Variants in ARHGAP15 observed in about 807,000 individuals in gnomAD.
ARHGAP15 encodes the protein rho GTPase-activating protein 15.
A neutral mutation model predicts 63.7 loss-of-function variants in ARHGAP15; 51 were observed. That is an observed-to-expected ratio of 0.80 (90% CI 0.64 to 1.01). ARHGAP15 has a LOEUF of 1.01. ARHGAP15 is among the 50% of genes least tolerant of loss of function. The probability of loss-of-function intolerance (pLI) is 0.00; values close to 1 mark genes in which losing one functional copy is unlikely to be tolerated. For synonymous variants in ARHGAP15, 191 were observed against 193.8 expected, an observed-to-expected ratio of 0.99 and a Z score of 0.12; for missense variants, 560 against 564.6, an observed-to-expected ratio of 0.99 and a Z score of 0.08.
chr2:143,348,464 A>T (rs893478904), intron 6 of ARHGAP15, among the ~76,000 whole-genome samples: 2 of 149,928 alleles, frequency 1.3e-5, no homozygotes, highest in African/African-American at 2.5e-5. Flanking sequence ...TTTCAGGATT[A>T]AAAAAAAACT....
At chr2:143,404,728 A>G (rs1042683056) in intron 6 of ARHGAP15, among the ~76,000 whole-genome samples, 8 of 151,996 alleles carry the variant, frequency 5.3e-5, no homozygotes, top group African/African-American at 1.9e-4. Flanking sequence ...GGTTCTGAGA[A>G]GCTCTGGCAT....
chr2:143,278,847 C>T (rs561312327), intron 6 of ARHGAP15, among the ~76,000 whole-genome samples: 58 of 150,266 alleles, frequency 3.9e-4, no homozygotes, highest in African/African-American at 8.1e-4. Context: ...TACCTAGCTA[C>T]GCTGAAGAGT....
intron 12 of ARHGAP15, among the ~76,000 whole-genome samples, chr2:143,654,029 T>A (rs1681306477): frequency 6.6e-6 from 1 of 151,842 alleles, no homozygotes; most frequent in Non-Finnish European, 1.5e-5. Flanking sequence ...TGCAAGGGGG[T>A]AGACAAAAAA....
chr2:143,476,705 G>T (rs1691832846), intron 8 of ARHGAP15, among the ~76,000 whole-genome samples: 1 of 152,100 alleles, frequency 6.6e-6, no homozygotes, highest in African/African-American at 2.4e-5. Context: ...TATTCAAGAG[G>T]ATTATAAAAT....
chr2:143,375,672 G>A (rs1406841516), intron 6 of ARHGAP15, among the ~76,000 whole-genome samples: 1 of 152,230 alleles, frequency 6.6e-6, no homozygotes, highest in Admixed American at 6.5e-5. Context: ...AGATCCTGTT[G>A]CTTTACAAAG....
At chr2:143,261,325 C>CT (rs534351317) in intron 6 of ARHGAP15, among the ~76,000 whole-genome samples, 3,337 of 89,560 alleles carry the variant, frequency 0.037, 793 homozygotes, top group Non-Finnish European at 0.047. Context: ...GAGGAATGAC[C>CT]TTTTTTTTTT....
At chr2:143,346,194 T>TCTCTCTCTCACACACACA (rs1685272151) in intron 6 of ARHGAP15, among the ~76,000 whole-genome samples, 6 of 138,152 alleles carry the variant, frequency 4.3e-5, no homozygotes, top group Non-Finnish European at 7.8e-5. Context: ...ACACACACAC[T>TCTCTCTCTCACACACACA]CTCTCTCTCA....
intron 2 of ARHGAP15, among the ~76,000 whole-genome samples, chr2:143,187,131 G>A (rs1346890803): frequency 6.6e-6 from 1 of 152,124 alleles, no homozygotes; most frequent in Non-Finnish European, 1.5e-5. Context: ...TAAACATAGA[G>A]TTAGATAATA....
chr2:143,409,285 T>A (rs1210455927), intron 6 of ARHGAP15, among the ~76,000 whole-genome samples: 2 of 151,950 alleles, frequency 1.3e-5, no homozygotes, highest in African/African-American at 4.8e-5. Flanking sequence ...CTCATTAAAA[T>A]TAATGAGGCA....
At chr2:143,619,989 C>T (rs533336640) in intron 11 of ARHGAP15, among the ~76,000 whole-genome samples, 86 of 152,270 alleles carry the variant, frequency 5.6e-4, no homozygotes, top group Non-Finnish European at 1.2e-3. Context: ...GAAACTGCAT[C>T]GTACTGAGAT....
At chr2:143,152,527 A>T (rs1210689626) in intron 1 of ARHGAP15, among the ~76,000 whole-genome samples, 2 of 152,004 alleles carry the variant, frequency 1.3e-5, no homozygotes, top group Non-Finnish European at 2.9e-5. Context: ...ACTCTGGGGC[A>T]CTTGATAAAG....
intron 6 of ARHGAP15, among the ~76,000 whole-genome samples, chr2:143,375,522 G>T (rs1377912540): frequency 1.3e-5 from 2 of 152,146 alleles, no homozygotes; most frequent in East Asian, 3.9e-4. Flanking sequence ...GTCAGAGGAG[G>T]AACTGTGCGG....
At chr2:143,509,054 C>T (rs7561163) in intron 9 of ARHGAP15, among the ~76,000 whole-genome samples, 39,017 of 152,088 alleles carry the variant, frequency 0.26, 5,592 homozygotes, top group East Asian at 0.46. Flanking sequence ...GTGCTACCCC[C>T]GCAGCTAAAT....
At chr2:143,598,367 C>G (rs1048585430) in intron 11 of ARHGAP15, among the ~76,000 whole-genome samples, 7 of 152,026 alleles carry the variant, frequency 4.6e-5, no homozygotes, top group African/African-American at 1.7e-4. Flanking sequence ...ACTTCAAATG[C>G]CTTTAGTATT....
intron 3 of ARHGAP15, among the ~76,000 whole-genome samples, chr2:143,214,167 T>G (rs1368278779): frequency 2.6e-5 from 4 of 152,204 alleles, no homozygotes; most frequent in Admixed American, 2.6e-4. Context: ...TGGGGCTATA[T>G]TTTTAGCAGA....
At chr2:143,297,359 CTG>C (rs1484864295) in intron 6 of ARHGAP15, among the ~76,000 whole-genome samples, 5 of 151,938 alleles carry the variant, frequency 3.3e-5, no homozygotes, top group African/African-American at 1.2e-4. Context: ...CTGCAGTACT[CTG>C]TGTGTGAACA....
intron 9 of ARHGAP15, among the ~76,000 whole-genome samples, chr2:143,514,683 G>A (rs150296514): frequency 2.6e-5 from 4 of 152,196 alleles, no homozygotes; most frequent in Non-Finnish European, 5.9e-5. Flanking sequence ...TCATGTGTCT[G>A]TGGTGCAGGC....
intron 8 of ARHGAP15, among the ~76,000 whole-genome samples, chr2:143,458,352 G>A (rs1443943105): frequency 3.3e-5 from 5 of 152,106 alleles, no homozygotes; most frequent in African/African-American, 4.8e-5. Flanking sequence ...TATAGTGAAC[G>A]GCATCAGGAT....
At chr2:143,205,191 G>A (rs956285591) in intron 3 of ARHGAP15, among the ~76,000 whole-genome samples, 2 of 151,516 alleles carry the variant, frequency 1.3e-5, no homozygotes, top group East Asian at 3.9e-4. Flanking sequence ...TTAGGCTGAG[G>A]CAGGAGAATC....
Sources: allele counts gnomAD v4.1 joint callset (sites outside exome capture counted in the v4.1 genomes callset), GRCh38; gene constraint gnomAD v4.1.1; transcripts MANE v1.5; gene names NCBI Gene and HGNC (gene_info 2026-07-23, HGNC 2026-07-21).